Variants in C9orf85 observed in about 807,000 individuals in gnomAD.
C9orf85 encodes the protein chromosome 9 open reading frame 85.
A neutral mutation model predicts 14.9 loss-of-function variants in C9orf85; 16 were observed. The observed-to-expected ratio is 1.08, with a 90% CI of 0.73 to 1.63. C9orf85 has a LOEUF of 1.63. Among genes scored for constraint, C9orf85 ranks in the 40% most tolerant of loss-of-function variants. The pLI is 0.00. For synonymous variants in C9orf85, 45 were observed against 56.8 expected, an observed-to-expected ratio of 0.79 and a Z score of 0.93; for missense variants, 172 against 186.1, an observed-to-expected ratio of 0.92 and a Z score of 0.44.
In C9orf85 at chr9:71,930,283, A is replaced by G. The variant is rs563700280; in HGVS notation, c.103-16723A>G. ...TGACCAGAAACATAAACAACCAAGC[A>G]GGGAGCTAAATGATAAGGATACTAG... On this transcript the variant is annotated intron_variant, in intron 1 of 3. Coordinates refer to ENST00000334731, the MANE Select transcript of C9orf85 (RefSeq NM_182505.5). Among the ~76,000 whole-genome samples, 494 of 152,258 alleles carry G rather than the reference A, an allele frequency of 3.2e-3. 2 individuals carry two copies. Among genetic ancestry groups the G allele is most frequent in the Non-Finnish European group, 4.9e-3 (332 of 68,014 alleles).
chr9:71,929,388 A>G (rs1828016476), intron 1 of C9orf85, among the ~76,000 whole-genome samples: 3 of 152,208 alleles, frequency 2.0e-5, no homozygotes, highest in African/African-American at 7.2e-5. Context: ...AGTGCTTATA[A>G]AAACATGTGT....
intron 1 of C9orf85, among the ~76,000 whole-genome samples, chr9:71,916,277 C>T (rs1827647417): frequency 6.6e-6 from 1 of 151,980 alleles, no homozygotes; most frequent in Admixed American, 6.6e-5. Context: ...TTTGAGGATG[C>T]TATTAATAAT....
intron 2 of C9orf85, among the ~76,000 whole-genome samples, chr9:71,968,617 G>T (rs1387876891): frequency 6.6e-6 from 1 of 152,018 alleles, no homozygotes; most frequent in African/African-American, 2.4e-5. Flanking sequence ...TTTGTTTTTT[G>T]AGACAGAGTC....
chr9:71,915,709 G>A (rs1158015910), intron 1 of C9orf85, among the ~76,000 whole-genome samples: 2 of 152,300 alleles, frequency 1.3e-5, no homozygotes, highest in East Asian at 1.9e-4. Context: ...ACACTTTGAT[G>A]TGTACATTTC....
chr9:71,969,535 C>G (rs939225843), intron 2 of C9orf85, among the ~76,000 whole-genome samples: 2 of 152,104 alleles, frequency 1.3e-5, no homozygotes, highest in African/African-American at 4.8e-5. Flanking sequence ...TTATATTGAT[C>G]TTTTCAAAGA....
intron 1 of C9orf85, among the ~76,000 whole-genome samples, chr9:71,929,338 C>T (rs928935767): frequency 1.3e-5 from 2 of 152,072 alleles, no homozygotes; most frequent in African/African-American, 2.4e-5. Context: ...CATACCGTAC[C>T]GGTTGGACAA....
chr9:71,970,537 A>T (rs763392218), intron 2 of C9orf85, among the ~76,000 whole-genome samples: 1 of 152,124 alleles, frequency 6.6e-6, no homozygotes, highest in Non-Finnish European at 1.5e-5. Flanking sequence ...GTAGACTCTC[A>T]ATTCTATTCT....
rs144281152 is a variant in C9orf85, at chr9:71,969,742, C to T, written c.210-1763C>T. Among the ~76,000 whole-genome samples the T allele has an allele frequency of 3.7e-3, 561 of 151,900 alleles. 3 individuals carry two copies. The highest frequency in any genetic ancestry group is 0.013 in the African/African-American group (520 of 41,438). On this transcript the variant is annotated intron_variant, in intron 2 of 3. Coordinates refer to ENST00000334731, the MANE Select transcript of C9orf85 (RefSeq NM_182505.5). ...AATTTCTCAAGGACTTCTTTAGCTCCGTTTTGTAAATTTTGATGCATTTTC... is the reference window on the plus strand; with the variant it reads ...AATTTCTCAAGGACTTCTTTAGCTCTGTTTTGTAAATTTTGATGCATTTTC...
chr9:71,912,712 C>A (rs939318801), intron 1 of C9orf85, among the ~76,000 whole-genome samples: 2 of 152,082 alleles, frequency 1.3e-5, no homozygotes, highest in Admixed American at 6.6e-5. Context: ...TGGCGAAACT[C>A]CCAATCTGCT....
chr9:71,928,706 C>A (rs981443187), intron 1 of C9orf85, among the ~76,000 whole-genome samples: 29 of 151,948 alleles, frequency 1.9e-4, no homozygotes, highest in African/African-American at 6.5e-4. Flanking sequence ...AATAACAGTA[C>A]CACTTATTTT....
At position 71,947,022 on chromosome 9, in the gene C9orf85, T is replaced by G; in HGVS notation, c.119T>G (p.Leu40Arg). 6.2e-7 allele frequency: 1 copy of G among 1,612,220 alleles called. No homozygotes were observed. Among genetic ancestry groups the G allele is most frequent in the Non-Finnish European group, 8.5e-7 (1 of 1,179,020 alleles). Residue 40 changes from leucine (L) to arginine (R), a missense_variant, in exon 2 of 4, where the codon CTT becomes CGT. Coordinates refer to ENST00000334731, the MANE Select transcript of C9orf85 (RefSeq NM_182505.5). ...GTTTTTAAGAAAATTAATGCAAAAC[T>G]TCATGATGGAGTATGTCAGCGCTGT... ...SVQTKKINAK[L>R]HDGVCQRCKE...
At chr9:71,970,949 T>G (rs550687592) in intron 2 of C9orf85, among the ~76,000 whole-genome samples, 1 of 152,022 alleles carries the variant, frequency 6.6e-6, no homozygotes, top group Admixed American at 6.6e-5. Context: ...GAGATGGGGT[T>G]TCACCATGTT....
intron 2 of C9orf85, among the ~76,000 whole-genome samples, chr9:71,968,101 T>TATAGAGAGAGAGAG (rs1554709461): frequency 6.8e-6 from 1 of 146,726 alleles, no homozygotes; most frequent in East Asian, 2.0e-4. Context: ...TATATATATA[T>TATAGAGAGAGAGAG]AGAGAGAGAG....
At chr9:71,986,019 A>G (rs1564106785), downstream of C9orf85, 5 of 152,248 alleles carry the variant, frequency 3.3e-5, no homozygotes, top group Admixed American at 2.6e-4. Flanking sequence ...GAATTGTGAT[A>G]TATATTTACA....
chr9:71,916,332 A>G (rs1343938932), intron 1 of C9orf85, among the ~76,000 whole-genome samples: 2 of 152,110 alleles, frequency 1.3e-5, no homozygotes, highest in Non-Finnish European at 2.9e-5. Flanking sequence ...CCCAAAATAT[A>G]TTTCTTAGAG....
At chr9:71,981,929 C>A (rs1823104244) in intron 3 of C9orf85, among the ~76,000 whole-genome samples, 1 of 152,070 alleles carries the variant, frequency 6.6e-6, no homozygotes, top group East Asian at 1.9e-4. Context: ...GTAAGACTCA[C>A]CAATTTTAAG....
rs1224881333 is a variant in C9orf85 at position 71,948,435 on chromosome 9, G to C, written c.209+1323G>C. Among the ~76,000 whole-genome samples the C allele has an allele frequency of 2.0e-5, 3 of 152,004 alleles. No homozygotes were observed. The East Asian group carries it at 5.8e-4, about 29-fold the overall frequency. On this transcript the variant is annotated intron_variant, in intron 2 of 3. Transcript: ENST00000334731. ...AGGATAAACTAACTTAAGCTTTTTA[G>C]ATTTTTTTTTCTGTACTCCGTTTTG...
chr9:71,968,751 G>A (rs557682922), intron 2 of C9orf85, among the ~76,000 whole-genome samples: 2 of 152,152 alleles, frequency 1.3e-5, no homozygotes, highest in Non-Finnish European at 2.9e-5. Flanking sequence ...TGGAGCAATG[G>A]CAAGAGTACA....
downstream of C9orf85, chr9:71,985,178 T>A (rs1252027102): frequency 6.6e-6 from 1 of 152,238 alleles, no homozygotes; most frequent in African/African-American, 2.4e-5. Context: ...TTGTTTTACA[T>A]TTTTATTGCG....
Sources: allele counts gnomAD v4.1 joint callset (sites outside exome capture counted in the v4.1 genomes callset), GRCh38; gene constraint gnomAD v4.1.1; transcripts MANE v1.5; gene names NCBI Gene and HGNC (gene_info 2026-07-23, HGNC 2026-07-21).